The following FRMD4B variants were observed in gnomAD, a reference collection of about 807,000 sequenced individuals.
FRMD4B encodes FERM domain-containing protein 4B.
In FRMD4B, 74 loss-of-function variants were observed where a neutral mutation model predicts 141.5. The observed-to-expected ratio is 0.52, with a 90% CI of 0.43 to 0.63. The LOEUF (loss-of-function observed/expected upper bound fraction) is 0.63, where lower values mean the gene tolerates loss of function less well. Ranked by LOEUF, FRMD4B falls within the 30% of genes least tolerant of loss-of-function variation. The pLI, the probability that FRMD4B is intolerant of heterozygous loss-of-function variation, is 0.00. For synonymous variants in FRMD4B, 506 were observed against 467.9 expected, an observed-to-expected ratio of 1.08 and a Z score of -1.05; for missense variants, 1,366 against 1,253.4, an observed-to-expected ratio of 1.09 and a Z score of -1.36.
intron 1 of FRMD4B, among the ~76,000 whole-genome samples, chr3:69,487,646 T>C (rs1706236656): frequency 6.6e-6 from 1 of 152,166 alleles, no homozygotes. Flanking sequence ...CACTCTTCTG[T>C]TTGGGGCCTT....
intron 1 of FRMD4B, among the ~76,000 whole-genome samples, chr3:69,365,576 C>T (rs1367092271): frequency 6.9e-6 from 1 of 144,992 alleles, no homozygotes; most frequent in Non-Finnish European, 1.5e-5. Context: ...GCAATCTCGA[C>T]TCACCACAAA....
intron 1 of FRMD4B, among the ~76,000 whole-genome samples, chr3:69,341,392 C>A (rs1702733905): frequency 6.6e-6 from 1 of 152,200 alleles, no homozygotes; most frequent in African/African-American, 2.4e-5. Context: ...CTCAACTCAA[C>A]ACAAGGCCAA....
At chr3:69,339,835 C>T (rs1356646760) in intron 1 of FRMD4B, among the ~76,000 whole-genome samples, 1 of 152,138 alleles carries the variant, frequency 6.6e-6, no homozygotes, top group African/African-American at 2.4e-5. Context: ...GTGTCTTCAT[C>T]TCACAGGCAT....
At chr3:69,466,734 T>A (rs1705794187) in intron 1 of FRMD4B, among the ~76,000 whole-genome samples, 1 of 152,220 alleles carries the variant, frequency 6.6e-6, no homozygotes, top group Non-Finnish European at 1.5e-5. Flanking sequence ...GATCACTCTG[T>A]CACCCAGGCT....
At chr3:69,521,911 C>T (rs1478427470) in intron 1 of FRMD4B, among the ~76,000 whole-genome samples, 2 of 152,224 alleles carry the variant, frequency 1.3e-5, no homozygotes, top group Non-Finnish European at 2.9e-5. Flanking sequence ...TGCTCAATCA[C>T]CTGTTTTTTA....
intron 7 of FRMD4B, among the ~76,000 whole-genome samples, chr3:69,248,792 C>T (rs151284897): frequency 1.1e-3 from 160 of 152,368 alleles, no homozygotes; most frequent in African/African-American, 3.5e-3. Context: ...AAGGGTGAGG[C>T]CCCTTCGGGG....
At chr3:69,318,387 C>T (rs6549199) in intron 1 of FRMD4B, among the ~76,000 whole-genome samples, 148,460 of 152,282 alleles carry the variant, frequency 0.97, 72,464 homozygotes, top group East Asian at 1. Context: ...GTCATTAATA[C>T]GAGAAAGTCA....
chr3:69,351,680 G>C (rs1703155069), intron 1 of FRMD4B, among the ~76,000 whole-genome samples: 1 of 152,170 alleles, frequency 6.6e-6, no homozygotes, highest in Non-Finnish European at 1.5e-5. Context: ...ATCATCCTCT[G>C]GCCCAGAAAA....
At chr3:69,480,688 C>T (rs1252581636) in intron 1 of FRMD4B, among the ~76,000 whole-genome samples, 1 of 152,192 alleles carries the variant, frequency 6.6e-6, no homozygotes, top group Non-Finnish European at 1.5e-5. Context: ...GGCAGTCTGC[C>T]CGTTCTCAGA....
intron 5 of FRMD4B, among the ~76,000 whole-genome samples, chr3:69,270,446 A>G (rs2093588796): frequency 6.6e-6 from 1 of 152,236 alleles, no homozygotes; most frequent in South Asian, 2.1e-4. Context: ...AGGTAGAAAG[A>G]TGGACAGAAA....
At chr3:69,390,022 G>T (rs969080602), upstream of FRMD4B, among the ~76,000 whole-genome samples, 1 of 151,984 alleles carries the variant, frequency 6.6e-6, no homozygotes, top group South Asian at 2.1e-4. Context: ...GATGCTTCGG[G>T]TGGCAGCATT....
At chr3:69,172,944 AAAAC>A (rs1318136684) in intron 22 of FRMD4B, among the ~76,000 whole-genome samples, 7 of 152,218 alleles carry the variant, frequency 4.6e-5, no homozygotes, top group Non-Finnish European at 8.8e-5. Flanking sequence ...TGTAACATAA[AAAAC>A]AAAGCCAGAT....
intron 11 of FRMD4B, among the ~76,000 whole-genome samples, chr3:69,209,368 T>C (rs962313347): frequency 1.3e-5 from 2 of 152,068 alleles, no homozygotes; most frequent in East Asian, 3.9e-4. Flanking sequence ...CGATCAACTA[T>C]GGGAGGGGAA....
intron 21 of FRMD4B, among the ~76,000 whole-genome samples, chr3:69,178,218 C>T (rs1173521421): frequency 6.6e-6 from 1 of 152,232 alleles, no homozygotes; most frequent in Non-Finnish European, 1.5e-5. Flanking sequence ...TCTTCTCTCT[C>T]ATACACACAA....
intron 1 of FRMD4B, among the ~76,000 whole-genome samples, chr3:69,338,138 T>C (rs1702615806): frequency 6.6e-6 from 1 of 152,018 alleles, no homozygotes; most frequent in South Asian, 2.1e-4. Context: ...TACAAAAGGA[T>C]GAGTTCAGGT....
chr3:69,520,305 A>G (rs1700835796), intron 1 of FRMD4B, among the ~76,000 whole-genome samples: 1 of 113,106 alleles, frequency 8.8e-6, no homozygotes, highest in Non-Finnish European at 1.7e-5. Context: ...ATATATATAT[A>G]TGATGGAATA....
intron 18 of FRMD4B, among the ~76,000 whole-genome samples, chr3:69,189,149 G>C (rs1339524382): frequency 6.1e-5 from 9 of 147,680 alleles, no homozygotes; most frequent in Non-Finnish European, 1.2e-4. Flanking sequence ...TTGAACCTGG[G>C]AGGCAGAGGT....
At chr3:69,196,655 C>G (rs1265554060) in intron 13 of FRMD4B, 2 of 576,896 alleles carry the variant, frequency 3.5e-6, no homozygotes, top group Non-Finnish European at 6.0e-6. Flanking sequence ...ACATCACCGC[C>G]AGCAGTGTCA....
chr3:69,293,776 G>T (rs946191062), intron 4 of FRMD4B, among the ~76,000 whole-genome samples: 52 of 150,816 alleles, frequency 3.4e-4, no homozygotes, highest in African/African-American at 1.2e-3. Context: ...AGCTACTCAG[G>T]AGGCTGAGGC....
Sources: allele counts gnomAD v4.1 joint callset (sites outside exome capture counted in the v4.1 genomes callset), GRCh38; gene constraint gnomAD v4.1.1; transcripts MANE v1.5; gene names NCBI Gene and HGNC (gene_info 2026-07-23, HGNC 2026-07-21).